AEBP2: variants seen among roughly 807,000 people sequenced by gnomAD.
The protein encoded by AEBP2 is zinc finger protein AEBP2.
In AEBP2, 10 loss-of-function variants were observed where a neutral mutation model predicts 50.8. The observed-to-expected ratio is 0.20, with a 90% CI of 0.12 to 0.33. The LOEUF is 0.33. Among genes scored for constraint, AEBP2 ranks in the 10% least tolerant of loss-of-function variants. The pLI is 1.00. For missense variants in AEBP2, 570 were observed against 688.0 expected, an observed-to-expected ratio of 0.83 and a Z score of 1.92; for synonymous variants, 296 against 261.3, an observed-to-expected ratio of 1.13 and a Z score of -1.28.
chr12:19,470,913 TCCCAAATACTTTCTTTAA>T (rs1292631978), intron 2 of AEBP2, among the ~76,000 whole-genome samples: 3 of 152,200 alleles, frequency 2.0e-5, no homozygotes, highest in African/African-American at 7.2e-5. Context: ...TTGATATTGT[TCCCAAATACTTTCTTTAA>T]GGCATTTCTG....
intron 1 of AEBP2, among the ~76,000 whole-genome samples, chr12:19,415,550 T>C (rs2095742053): frequency 6.6e-6 from 1 of 151,158 alleles, no homozygotes; most frequent in African/African-American, 2.4e-5. Flanking sequence ...ACCAACATGA[T>C]GAATGTTAGA....
chr12:19,440,123 C>T lies in AEBP2; in HGVS notation c.424C>T (p.Pro142Ser). 2.7e-6 allele frequency: 4 copies of T among 1,504,212 alleles called. No homozygotes were observed. Among genetic ancestry groups the T allele is most frequent in the Non-Finnish European group, 3.5e-6 (4 of 1,132,920 alleles). The allele number at this position is 1,504,212 out of a possible 1,614,324, so 93.2% of individuals were successfully genotyped here. A position where few individuals can be genotyped will look rare whatever the true frequency, so the allele number is the denominator to read the frequency against. The change falls in exon 1 of 8, where the codon CCC becomes TCC. Residue 142 changes from proline to serine, a missense_variant. Transcript: ENST00000266508. ...CAGCGACGAGACCCGCTCGTTGAGC[C>T]CCGGCGCCGCCAGCAGCAGCAGCGG... ...SSSDETRSLS[P>S]GAASSSSGDG...
At chr12:19,494,068 T>G in intron 4 of AEBP2, 82 bp downstream of exon 4, 1 of 1,389,758 alleles carries the variant, frequency 7.2e-7, no homozygotes, top group South Asian at 1.5e-5. Flanking sequence ...CACTTTGAAC[T>G]TCAACTCCTC....
intron 2 of AEBP2, among the ~76,000 whole-genome samples, chr12:19,469,745 C>T (rs1435504925): frequency 2.0e-5 from 3 of 152,194 alleles, no homozygotes; most frequent in Non-Finnish European, 2.9e-5. Context: ...CTGTGCTCAG[C>T]AGGTTGTTTT....
In AEBP2 at chr12:19,507,636, A is replaced by C. The variant is rs188424438; in HGVS notation, c.1300-4762A>C. ...GTACCTTAACTGAGGAAAAGTCACA[A>C]AGGTGGAATGTAATCTGAAGAATGA... On this transcript the variant is annotated intron_variant, in intron 5 of 7. Coordinates refer to ENST00000266508, the MANE Select transcript of AEBP2 (RefSeq NM_153207.5). 8.0e-3 allele frequency among the ~76,000 whole-genome samples: 1,214 copies of C among 152,266 alleles called. 15 individuals carry two copies. Among genetic ancestry groups the C allele is most frequent in the African/African-American group, 0.027 (1,140 of 41,538 alleles).
intron 1 of AEBP2, among the ~76,000 whole-genome samples, chr12:19,445,634 T>C (rs2153366970): frequency 6.6e-6 from 1 of 152,314 alleles, no homozygotes; most frequent in South Asian, 2.1e-4. Flanking sequence ...TAACGTCTGT[T>C]ATTGTGAAGT....
At chr12:19,517,388 C>T (rs1949335983) in intron 7 of AEBP2, among the ~76,000 whole-genome samples, 1 of 152,126 alleles carries the variant, frequency 6.6e-6, no homozygotes, top group Non-Finnish European at 1.5e-5. Flanking sequence ...TCCATGAATT[C>T]AACCAACTGC....
intron 1 of AEBP2, chr12:19,446,172 T>C (rs1455740492): frequency 1.3e-5 from 2 of 152,240 alleles, no homozygotes; most frequent in African/African-American, 2.4e-5. Context: ...GTAGTAATTA[T>C]ATTGGTCTTA....
At chr12:19,452,961 CTTTTTTTTT>C (rs34876719) in intron 1 of AEBP2, among the ~76,000 whole-genome samples, 1 of 106,900 alleles carries the variant, frequency 9.4e-6, no homozygotes, top group South Asian at 2.9e-4. Context: ...GACTTACGTT[CTTTTTTTTT>C]TTTTTTTTTT....
chr12:19,517,725 A>G (rs1949340873), intron 7 of AEBP2, among the ~76,000 whole-genome samples: 1 of 151,554 alleles, frequency 6.6e-6, no homozygotes, highest in South Asian at 2.1e-4. Context: ...CTCATCTTGA[A>G]CTCCTGGGCT....
At chr12:19,438,522 G>A (rs1161915926), upstream of AEBP2, among the ~76,000 whole-genome samples, 1 of 152,106 alleles carries the variant, frequency 6.6e-6, no homozygotes, top group Non-Finnish European at 1.5e-5. Flanking sequence ...GTCCACCCAA[G>A]TTCATTTCTG....
rs1475368979 is a variant in AEBP2 at position 19,521,988 on chromosome 12, T to C, written c.*3871T>C. 6.6e-6 allele frequency: 1 copy of C among 152,154 alleles called. No homozygotes were observed. The highest frequency in any genetic ancestry group is 1.5e-5 in the Non-Finnish European group (1 of 68,004). 9.4% of individuals were successfully genotyped at this position (152,154 alleles called of 1,614,324 possible). On this transcript the variant is annotated 3_prime_UTR_variant, in exon 8 of 8. Coordinates refer to ENST00000266508, the MANE Select transcript of AEBP2 (RefSeq NM_153207.5). Reference sequence around the variant, plus strand: ...TTATATGAAAACTGATATGTATGTCTGTGTAACAAAGCCTGTTGGGTACAG... The same window carrying C: ...TTATATGAAAACTGATATGTATGTCCGTGTAACAAAGCCTGTTGGGTACAG...
At chr12:19,462,070 TAGAAG>T (rs1386743125) in intron 1 of AEBP2, among the ~76,000 whole-genome samples, 1 of 152,178 alleles carries the variant, frequency 6.6e-6, no homozygotes, top group African/African-American at 2.4e-5. Flanking sequence ...GATTAATGAA[TAGAAG>T]AGATTTCAGG....
In AEBP2 at chr12:19,464,352, A is replaced by C. The variant is rs1174727660; in HGVS notation, c.879+1635A>C. On this transcript the variant is annotated intron_variant, in intron 2 of 7. Coordinates refer to ENST00000266508, the MANE Select transcript of AEBP2 (RefSeq NM_153207.5). Reference sequence around the variant, plus strand: ...TACCATTTTTGAGCATCATGGCATGATGCTTTTTTGTCACTTGACTTAGCA... The same window carrying C: ...TACCATTTTTGAGCATCATGGCATGCTGCTTTTTTGTCACTTGACTTAGCA... Among the ~76,000 whole-genome samples the C allele has an allele frequency of 3.9e-5, 6 of 152,210 alleles. No homozygotes were observed. In the East Asian group the frequency reaches 9.7e-4, roughly 25 times the overall value.
intron 7 of AEBP2, among the ~76,000 whole-genome samples, chr12:19,515,178 A>G (rs1271515358): frequency 6.6e-6 from 1 of 152,112 alleles, no homozygotes; most frequent in African/African-American, 2.4e-5. Context: ...CCTTTCTCCA[A>G]ACTTTCCAAA....
intron 1 of AEBP2, among the ~76,000 whole-genome samples, chr12:19,425,219 G>C (rs763476979): frequency 3.9e-5 from 6 of 152,104 alleles, no homozygotes; most frequent in Non-Finnish European, 7.4e-5. Flanking sequence ...CCAGCACACG[G>C]GAAAGGAAGT....
At position 19,493,982 on chromosome 12, in the gene AEBP2, A is replaced by G; in HGVS notation, c.1170A>G (p.Ser390=). Residue 390 remains serine (S), a synonymous_variant, in exon 4 of 8, where the codon TCA becomes TCG. Transcript: ENST00000266508. ...RRKLKNKRRR[S]LPRPHDFFDA... ...AATTAAAGAACAAAAGACGACGCTC[A>G]TTACGTAAGTGTTACACTGAGAAAA... 3 of 1,604,812 alleles carry G rather than the reference A, an allele frequency of 1.9e-6. No homozygotes were observed. The highest frequency in any genetic ancestry group is 2.6e-6 in the Non-Finnish European group (3 of 1,175,314).
chr12:19,463,892 C>T (rs1436266782), intron 2 of AEBP2, among the ~76,000 whole-genome samples: 2 of 152,056 alleles, frequency 1.3e-5, no homozygotes, highest in Non-Finnish European at 2.9e-5. Flanking sequence ...TCTCGAACTC[C>T]TGAACTCAGT....
intron 1 of AEBP2, among the ~76,000 whole-genome samples, chr12:19,460,330 G>A (rs962921484): frequency 6.6e-6 from 1 of 152,088 alleles, no homozygotes; most frequent in Admixed American, 6.6e-5. Flanking sequence ...GGTTGTATTG[G>A]TATATAGGTG....
Sources: gnomAD v4.1 joint callset for allele counts (sites outside exome capture counted in the v4.1 genomes callset) on GRCh38, gnomAD v4.1.1 for gene constraint, MANE v1.5 for transcripts, NCBI Gene and HGNC (gene_info 2026-07-23, HGNC 2026-07-21) for gene names.